The following DRC3 variants were observed in gnomAD, a reference collection of about 807,000 sequenced individuals.
The protein encoded by DRC3 is dynein regulatory complex subunit 3, also known as leucine rich repeat containing 48.
A neutral mutation model predicts 57.6 loss-of-function variants in DRC3; 45 were observed. The ratio of observed to expected loss-of-function variants is 0.78; its 90% confidence interval spans 0.62 to 1.00. DRC3 has a LOEUF of 1.00. Ranked by LOEUF, DRC3 falls within the 50% of genes least tolerant of loss-of-function variation. The probability of loss-of-function intolerance (pLI) is 0.00; values close to 1 mark genes in which losing one functional copy is unlikely to be tolerated. For synonymous variants in DRC3, 257 were observed against 272.3 expected, an observed-to-expected ratio of 0.94 and a Z score of 0.55; for missense variants, 655 against 675.2, an observed-to-expected ratio of 0.97 and a Z score of 0.33.
chr17:17,993,009 C>G, intron 6 of DRC3, 98 bp downstream of exon 6: 1 of 1,336,408 alleles, frequency 7.5e-7, no homozygotes, highest in Non-Finnish European at 1.0e-6. Flanking sequence ...CTTCCCCTGC[C>G]CACAACTAGG....
rs750166082 is a variant in DRC3, at chr17:18,016,720, C to T, written c.*49C>T. The T allele has an allele frequency of 1.0e-5, 13 of 1,292,442 alleles. No homozygotes were observed. The highest frequency in any genetic ancestry group is 1.3e-5 in the Non-Finnish European group (12 of 897,200). 80.1% of individuals were successfully genotyped at this position (1,292,442 alleles called of 1,614,324 possible). A position where few individuals can be genotyped will look rare whatever the true frequency, so the allele number is the denominator to read the frequency against. ...CTTCAAAACATAGCACCAGCCCCAG[C>T]CAGGAGAAGGAAGTGCACACGCCTC... On this transcript the variant is annotated 3_prime_UTR_variant, in exon 14 of 14. Transcript: ENST00000399187.
At chr17:17,996,297 T>G (rs746320423) in intron 8 of DRC3, among the ~76,000 whole-genome samples, 38 of 152,230 alleles carry the variant, frequency 2.5e-4, no homozygotes, top group Non-Finnish European at 5.4e-4. Context: ...ATTACAGGCG[T>G]GAGCCACCGT....
intron 12 of DRC3, chr17:18,015,066 C>T (rs2044307355): frequency 6.6e-6 from 1 of 152,124 alleles, no homozygotes; most frequent in Non-Finnish European, 1.5e-5. Context: ...AGAGACAAAG[C>T]TTAAAGGGTT....
chr17:17,995,061 A>G lies in DRC3; in HGVS notation c.774A>G (p.Ser258=). The part of the protein sequence containing the change: ...FLFDSMYAED[S]EGNNLSYLPG... ...TTGACAGCATGTACGCTGAGGACTCAGAGGGCAACAATCTGTCCTACCTGC... is the reference window on the plus strand; with the variant it reads ...TTGACAGCATGTACGCTGAGGACTCGGAGGGCAACAATCTGTCCTACCTGC... The change falls in exon 8 of 14, where the codon TCA becomes TCG. Residue 258 remains serine (S), a synonymous_variant. Coordinates refer to ENST00000399187, the MANE Select transcript of DRC3 (RefSeq NM_031294.4). The G allele has an allele frequency of 6.2e-7, 1 of 1,613,920 alleles. No homozygotes were observed. The highest frequency in any genetic ancestry group is 1.3e-5 in the African/African-American group (1 of 75,066).
At chr17:18,012,024 A>C (rs1213611241) in intron 12 of DRC3, among the ~76,000 whole-genome samples, 3 of 152,026 alleles carry the variant, frequency 2.0e-5, no homozygotes, top group Admixed American at 2.0e-4. Context: ...GGGTTTTACC[A>C]ATGTTGGCCG....
chr17:18,010,087 G>A (rs2044116117), intron 12 of DRC3, among the ~76,000 whole-genome samples: 1 of 152,194 alleles, frequency 6.6e-6, no homozygotes, highest in Non-Finnish European at 1.5e-5. Context: ...CAGGGAGGAT[G>A]CAAGTCCCCA....
intron 3 of DRC3, 66 bp from the exon 4 acceptor site, chr17:17,983,762 C>G: frequency 2.6e-6 from 3 of 1,172,488 alleles, no homozygotes; most frequent in Non-Finnish European, 3.8e-6. Context: ...CTGCCTCACT[C>G]CTCCTGTACA....
rs1033513054 is a variant in DRC3 at position 17,980,287 on chromosome 17, T to TG, written c.160+2529_160+2530insG. ...GTTTGTTTTGTTTTATTGTTGTTGT[T>TG]TTTTTTTTTGTAGAGACGGAGTCTC... On this transcript the variant is annotated intron_variant, in intron 3 of 13. Coordinates refer to ENST00000399187, the MANE Select transcript of DRC3 (RefSeq NM_031294.4). Among the ~76,000 whole-genome samples, 20 of 151,020 alleles carry TG rather than the reference T, an allele frequency of 1.3e-4. No homozygotes were observed. The East Asian group carries it at 2.5e-3, about 19-fold the overall frequency.
At chr17:17,991,723 G>A (rs1268536496) in intron 5 of DRC3, among the ~76,000 whole-genome samples, 1 of 152,136 alleles carries the variant, frequency 6.6e-6, no homozygotes, top group Non-Finnish European at 1.5e-5. Flanking sequence ...ATAGAGTGTA[G>A]GGAGAATAAA....
At chr17:17,996,990 C>T (rs2043483645) in intron 8 of DRC3, among the ~76,000 whole-genome samples, 1 of 152,166 alleles carries the variant, frequency 6.6e-6, no homozygotes, top group Admixed American at 6.5e-5. Context: ...TTGAACATCC[C>T]CAGCACAGCT....
chr17:17,987,388 G>C (rs187766480), intron 4 of DRC3, among the ~76,000 whole-genome samples: 50 of 152,254 alleles, frequency 3.3e-4, no homozygotes, highest in African/African-American at 1.2e-3. Context: ...CCCCACTGTG[G>C]TTAGCTGTGT....
At chr17:17,973,602 T>TA (rs2042239814) in intron 1 of DRC3, 1 of 150,252 alleles carries the variant, frequency 6.7e-6, no homozygotes, top group African/African-American at 2.5e-5. Context: ...TATTCTTTTT[T>TA]AAGAAAAATT....
At chr17:17,984,302 C>T (rs977532397) in intron 4 of DRC3, among the ~76,000 whole-genome samples, 5 of 152,138 alleles carry the variant, frequency 3.3e-5, no homozygotes, top group African/African-American at 1.2e-4. Context: ...GCTGGTGGGA[C>T]CCAGATGAAA....
intron 4 of DRC3, 90 bp from the exon 5 acceptor site, chr17:17,987,842 A>G (rs2043032799): frequency 2.2e-6 from 3 of 1,377,428 alleles, no homozygotes; most frequent in Middle Eastern, 2.4e-4. Context: ...GCTGGCTCAC[A>G]GGGCACTCAG....
At chr17:18,006,921 C>G in intron 11 of DRC3, 103 bp from the exon 12 acceptor site, 2 of 1,516,434 alleles carry the variant, frequency 1.3e-6, no homozygotes, top group Non-Finnish European at 8.9e-7. Context: ...CCAGAATTTC[C>G]GAGCTCGCCT....
In DRC3 at chr17:17,994,289, C is replaced by A. The variant is rs1325289852; in HGVS notation, c.592-10C>A. ...CTCTGGTAACAATGCCACTCCCGTT[C>A]CCTGGTCAGAAAAAGCTTGCGGAGG... On this transcript the variant is annotated splice_polypyrimidine_tract_variant and intron_variant, in intron 6 of 13. Transcript: ENST00000399187. 3 of 1,551,260 alleles carry A rather than the reference C, an allele frequency of 1.9e-6. No individual in the cohort carries two copies. Among genetic ancestry groups the A allele is most frequent in the South Asian group, 1.2e-5 (1 of 84,018 alleles).
At chr17:17,988,209 T>C (rs114754730) in intron 5 of DRC3, 111 bp downstream of exon 5, 2 of 1,176,892 alleles carry the variant, frequency 1.7e-6, no homozygotes, top group African/African-American at 1.5e-5. Flanking sequence ...TCAGATCTTC[T>C]CATTTTCCTG....
chr17:17,984,458 A>G (rs1042717553), intron 4 of DRC3, among the ~76,000 whole-genome samples: 17 of 152,186 alleles, frequency 1.1e-4, no homozygotes, highest in African/African-American at 4.1e-4. Context: ...ACACCACATC[A>G]GGTCTCACTG....
At chr17:17,988,958 G>A (rs2043094714) in intron 5 of DRC3, among the ~76,000 whole-genome samples, 1 of 152,212 alleles carries the variant, frequency 6.6e-6, no homozygotes, top group African/African-American at 2.4e-5. Context: ...TCACCTGTCA[G>A]ATGGAGATGA....
Sources: gnomAD v4.1 joint callset for allele counts (sites outside exome capture counted in the v4.1 genomes callset) on GRCh38, gnomAD v4.1.1 for gene constraint, MANE v1.5 for transcripts, NCBI Gene and HGNC (gene_info 2026-07-23, HGNC 2026-07-21) for gene names.